The following THSD4 variants were observed in gnomAD, a reference collection of about 807,000 sequenced individuals.
THSD4 encodes the protein thrombospondin type-1 domain-containing protein 4.
A neutral mutation model predicts 119.0 loss-of-function variants in THSD4; 69 were observed. The observed-to-expected ratio is 0.58, with a 90% confidence interval of 0.48 to 0.71. The LOEUF is 0.71. Among genes scored for constraint, THSD4 ranks in the 30% least tolerant of loss-of-function variants. The probability of loss-of-function intolerance (pLI) is 0.00; values close to 1 mark genes in which losing one functional copy is unlikely to be tolerated. For synonymous variants in THSD4, 524 were observed against 540.4 expected (o/e 0.97, Z 0.42); for missense variants, 1,393 against 1,391.1 (o/e 1.00, Z -0.02).
chr15:71,272,125 G>A (rs2140304571), intron 6 of THSD4, among the ~76,000 whole-genome samples: 1 of 152,188 alleles, frequency 6.6e-6, no homozygotes, highest in East Asian at 1.9e-4. Flanking sequence ...CAAAGGGGCT[G>A]GGTGTGGTGG....
chr15:71,388,526 G>A (rs2046322654), intron 6 of THSD4, among the ~76,000 whole-genome samples: 1 of 152,122 alleles, frequency 6.6e-6, no homozygotes, highest in South Asian at 2.1e-4. Context: ...TTTAGATGAA[G>A]GGGGGAAAAA....
intron 6 of THSD4, among the ~76,000 whole-genome samples, chr15:71,323,219 TGAG>T (rs2045294942): frequency 6.6e-6 from 1 of 152,024 alleles, no homozygotes; most frequent in African/African-American, 2.4e-5. Flanking sequence ...ATTCAGTATG[TGAG>T]GAGACCACCC....
At chr15:71,304,158 T>C (rs770202314) in intron 6 of THSD4, among the ~76,000 whole-genome samples, 10 of 152,150 alleles carry the variant, frequency 6.6e-5, no homozygotes, top group Non-Finnish European at 1.0e-4. Context: ...GGGAGGCATA[T>C]TGAAAGGGCT....
chr15:71,370,133 C>T (rs908942271), intron 6 of THSD4, among the ~76,000 whole-genome samples: 27 of 151,970 alleles, frequency 1.8e-4, no homozygotes, highest in African/African-American at 6.5e-4. Context: ...TGATATCCCC[C>T]TTTATCATTT....
chr15:71,227,893 T>C (rs1166388516), intron 4 of THSD4, among the ~76,000 whole-genome samples: 3 of 152,192 alleles, frequency 2.0e-5, no homozygotes, highest in African/African-American at 7.2e-5. Flanking sequence ...GGTCCTCACT[T>C]GCTTGTCAAT....
At chr15:71,288,960 T>C (rs1221311733) in intron 6 of THSD4, among the ~76,000 whole-genome samples, 1 of 152,206 alleles carries the variant, frequency 6.6e-6, no homozygotes, top group African/African-American at 2.4e-5. Flanking sequence ...TGTTTATTAG[T>C]ACTGCTTTTT....
At chr15:71,196,855 G>A (rs948460624) in intron 3 of THSD4, among the ~76,000 whole-genome samples, 2 of 152,124 alleles carry the variant, frequency 1.3e-5, no homozygotes, top group African/African-American at 2.4e-5. Flanking sequence ...GAGGAAGATG[G>A]CATCATGGTA....
At chr15:71,369,342 G>A (rs1301556136) in intron 6 of THSD4, among the ~76,000 whole-genome samples, 4 of 152,168 alleles carry the variant, frequency 2.6e-5, no homozygotes, top group Non-Finnish European at 5.9e-5. Flanking sequence ...GTGAGAGAGG[G>A]CATCCCTGTC....
At chr15:71,580,881 A>G (rs2049545586) in intron 7 of THSD4, among the ~76,000 whole-genome samples, 1 of 152,038 alleles carries the variant, frequency 6.6e-6, no homozygotes, top group Non-Finnish European at 1.5e-5. Flanking sequence ...GTGTGTGTAT[A>G]TATCTACTTA....
At chr15:71,548,025 C>T (rs2140852388) in intron 7 of THSD4, among the ~76,000 whole-genome samples, 2 of 151,324 alleles carry the variant, frequency 1.3e-5, no homozygotes, top group Non-Finnish European at 2.9e-5. Flanking sequence ...TGTACCTTAG[C>T]AGGGAGACAT....
At chr15:71,242,623 C>T (rs1408134848) in intron 4 of THSD4, 26 bp from the exon 5 acceptor site, 12 of 1,602,020 alleles carry the variant, frequency 7.5e-6, no homozygotes, top group African/African-American at 4.0e-5. Flanking sequence ...CTCTGATCAT[C>T]TCCTCTCTTG....
intron 6 of THSD4, among the ~76,000 whole-genome samples, chr15:71,310,671 G>A (rs2045099274): frequency 6.6e-6 from 1 of 152,174 alleles, no homozygotes; most frequent in Non-Finnish European, 1.5e-5. Flanking sequence ...GTCAAACAAG[G>A]TAGGTCAGAT....
chr15:71,149,402 C>T (rs1029091661), intron 2 of THSD4, among the ~76,000 whole-genome samples: 23 of 152,126 alleles, frequency 1.5e-4, no homozygotes, highest in Middle Eastern at 3.4e-3. Context: ...CACACCACCA[C>T]GCCCAGCTAA....
intron 6 of THSD4, among the ~76,000 whole-genome samples, chr15:71,354,461 A>G (rs2045782895): frequency 6.6e-6 from 1 of 152,162 alleles, no homozygotes; most frequent in Non-Finnish European, 1.5e-5. Flanking sequence ...TTTGTTTTTT[A>G]ATTGTCAACC....
chr15:71,502,270 C>T (rs183845794), intron 7 of THSD4, among the ~76,000 whole-genome samples: 1 of 152,254 alleles, frequency 6.6e-6, no homozygotes, highest in Admixed American at 6.5e-5. Flanking sequence ...AATATAGGGT[C>T]AGCCCAGAAA....
rs142919438 is a variant in THSD4 at position 71,359,096 on chromosome 15, A to G, written c.1016-52591A>G. ...AACGTAATCCTCAGTCTAAAGAGTC[A>G]ACACCTTTTCCCACCCTCCTGTCCT... On this transcript the variant is annotated intron_variant, in intron 6 of 17. Coordinates refer to ENST00000261862, the MANE Select transcript of THSD4 (RefSeq NM_024817.3). Among the ~76,000 whole-genome samples the G allele has an allele frequency of 2.3e-4, 35 of 152,286 alleles. No homozygotes were observed. The East Asian group carries it at 5.8e-3, about 25-fold the overall frequency.
intron 8 of THSD4, among the ~76,000 whole-genome samples, chr15:71,713,602 C>A (rs1195077987): frequency 6.6e-6 from 1 of 152,148 alleles, no homozygotes; most frequent in Admixed American, 6.5e-5. Context: ...CTCCCATCGC[C>A]ATGACAACCA....
At chr15:71,099,508 T>C (rs1377456781) in intron 1 of THSD4, among the ~76,000 whole-genome samples, 3 of 152,196 alleles carry the variant, frequency 2.0e-5, no homozygotes, top group Non-Finnish European at 4.4e-5. Context: ...GCTCTTTTGA[T>C]TATTATGCAA....
At chr15:71,737,194 A>G (rs1166866445) in intron 10 of THSD4, among the ~76,000 whole-genome samples, 4 of 152,254 alleles carry the variant, frequency 2.6e-5, no homozygotes, top group African/African-American at 9.6e-5. Flanking sequence ...TATTTGCGGA[A>G]CAGATGTGAT....
Sources: gnomAD v4.1 joint callset for allele counts (sites outside exome capture counted in the v4.1 genomes callset) on GRCh38, gnomAD v4.1.1 for gene constraint, MANE v1.5 for transcripts, NCBI Gene and HGNC (gene_info 2026-07-23, HGNC 2026-07-21) for gene names.